Variants in GCC2 observed in about 807,000 individuals in gnomAD.
The protein encoded by GCC2 is GRIP and coiled-coil domain containing 2.
Under a neutral mutation model 210.6 loss-of-function variants are expected in GCC2, and 120 were observed. That is an observed-to-expected ratio of 0.57 (90% CI 0.49 to 0.66). The LOEUF (loss-of-function observed/expected upper bound fraction) is 0.66, where lower values mean the gene tolerates loss of function less well. GCC2 is among the 30% of genes least tolerant of loss of function. GCC2 has a pLI of 0.00. For synonymous variants in GCC2, 703 were observed against 652.7 expected (o/e 1.08, Z -1.17); for missense variants, 1,868 against 1,871.9 (o/e 1.00, Z 0.04).
At chr2:108,488,340 A>G (rs1682246385) in intron 17 of GCC2, among the ~76,000 whole-genome samples, 2 of 152,164 alleles carry the variant, frequency 1.3e-5, no homozygotes. Context: ...GCAACCTCTA[A>G]AATTAGATGT....
intron 5 of GCC2, 119 bp from the exon 6 acceptor site, chr2:108,469,532 A>G (rs2104445960): frequency 3.0e-6 from 2 of 666,268 alleles, no homozygotes; most frequent in South Asian, 4.3e-5. Flanking sequence ...TGTTTCTCCA[A>G]ATACATTTCT....
At chr2:108,500,639 A>G (rs1682874365) in intron 22 of GCC2, among the ~76,000 whole-genome samples, 1 of 152,260 alleles carries the variant, frequency 6.6e-6, no homozygotes, top group Non-Finnish European at 1.5e-5. Context: ...TAGTTAACTG[A>G]ATTCAAGCTG....
Position 108,482,316 on chromosome 2 carries a change from TCTC to T in GCC2, c.3213_3215del (p.Leu1072del). ...AAACAATAAATTCTGATAATGAAGATCTCCTGGCTCGTATTGAGACATTACAGT... is the reference window on the plus strand; with the variant it reads ...AAACAATAAATTCTGATAATGAAGATCTGGCTCGTATTGAGACATTACAGT... On this transcript the variant is annotated inframe_deletion, in exon 11 of 23. Coordinates refer to ENST00000309863, the MANE Select transcript of GCC2 (RefSeq NM_181453.4). 1 of 1,584,178 alleles carries T rather than the reference TCTC, an allele frequency of 6.3e-7. No homozygotes were observed. The highest frequency in any genetic ancestry group is 1.2e-5 in the South Asian group (1 of 86,530).
Position 108,458,325 on chromosome 2 carries a change from G to T in GCC2, c.216+5859G>T, listed in dbSNP as rs891032043. On this transcript the variant is annotated intron_variant, in intron 4 of 22. Transcript: ENST00000309863. Reference sequence around the variant, plus strand: ...GTTAGATTTGGTTTGCCAGTATTTTGCTGAGGATTTTTGCATTGGTGTTCA... The same window carrying T: ...GTTAGATTTGGTTTGCCAGTATTTTTCTGAGGATTTTTGCATTGGTGTTCA... 3.4e-5 allele frequency among the ~76,000 whole-genome samples: 5 copies of T among 148,550 alleles called. No homozygotes were observed. The South Asian group carries it at 1.1e-3, about 31-fold the overall frequency.
At chr2:108,454,376 G>A (rs759670323) in intron 4 of GCC2, among the ~76,000 whole-genome samples, 23 of 152,190 alleles carry the variant, frequency 1.5e-4, no homozygotes, top group Admixed American at 1.3e-4. Context: ...GTTATTACAA[G>A]GGGTCTTTAA....
rs528995077 is a variant in GCC2 at position 108,468,921 on chromosome 2, C to T, written c.217-59C>T. 47 of 1,033,536 alleles carry T rather than the reference C, an allele frequency of 4.5e-5. No homozygotes were observed. In the African/African-American group the frequency reaches 6.2e-4, roughly 14 times the overall value. 64.0% of individuals were successfully genotyped at this position (1,033,536 alleles called of 1,614,324 possible). On this transcript the variant is annotated intron_variant, in intron 4 of 22. Transcript: ENST00000309863. ...TTTTGAAAAGGTCAGGAGATAATTA[C>T]GCATGTGGTCAATCCACCATTTTTT...
chr2:108,476,054 CT>C (rs56236751), intron 9 of GCC2, among the ~76,000 whole-genome samples: 26,809 of 95,742 alleles, frequency 0.28, 6,616 homozygotes, highest in East Asian at 0.78. Flanking sequence ...TAGTGGCTTG[CT>C]TTTTTTTTTT....
chr2:108,486,612 A>T lies in GCC2; in HGVS notation c.3894A>T (p.Arg1298Ser). ...HQRTLSAYQQRVTALQEECRA... is the reference protein window; with the variant it reads ...HQRTLSAYQQSVTALQEECRA... Reference sequence around the variant, plus strand: ...GTACGCTAAGTGCATACCAGCAGAGAGTGACAGCACTACAGGAAGAGTGCC... The same window carrying T: ...GTACGCTAAGTGCATACCAGCAGAGTGTGACAGCACTACAGGAAGAGTGCC... Residue 1298 changes from arginine to serine, a missense_variant, in exon 16 of 23, where the codon AGA (arginine) becomes AGT (serine). This residue lies in a region of GCC2 where 1,847 missense variants were observed against 1,765.2 expected (regional missense o/e 1.05). Transcript: ENST00000309863. 4 of 1,614,028 alleles carry T rather than the reference A, an allele frequency of 2.5e-6. No individual in the cohort carries two copies. The highest frequency in any genetic ancestry group is 3.4e-6 in the Non-Finnish European group (4 of 1,179,914).
intron 11 of GCC2, 43 bp downstream of exon 11, chr2:108,482,494 A>C: frequency 1.1e-6 from 1 of 917,668 alleles, no homozygotes; most frequent in Non-Finnish European, 1.7e-6. Flanking sequence ...TATATGATGC[A>C]TTTACCAAAA....
intron 21 of GCC2, 57 bp downstream of exon 21, chr2:108,497,166 C>T: frequency 6.2e-7 from 1 of 1,610,588 alleles, no homozygotes. Context: ...TCTTGACCCT[C>T]CATACACATG....
In GCC2 at chr2:108,502,395, A is replaced by G. The variant is rs12618349; in HGVS notation, c.4984+2641A>G. 0.068 allele frequency among the ~76,000 whole-genome samples: 10,427 copies of G among 152,236 alleles called. 2,697 individuals carry two copies. The East Asian group carries it at 0.85, about 12-fold the overall frequency. ...AAAAGAGACTAACCTAAGGGATACC[A>G]AGAACAGATATTTTTAAAGAATTTC... is the stretch of plus-strand genomic sequence containing the variant. On this transcript the variant is annotated intron_variant, in intron 22 of 22. Transcript: ENST00000309863.
At chr2:108,477,244 T>C (rs1019231332) in intron 9 of GCC2, among the ~76,000 whole-genome samples, 25 of 152,222 alleles carry the variant, frequency 1.6e-4, no homozygotes, top group African/African-American at 5.8e-4. Flanking sequence ...AGAATTCTGA[T>C]GCAAGAATGG....
chr2:108,454,743 C>G (rs1436199164), intron 4 of GCC2, among the ~76,000 whole-genome samples: 1 of 152,134 alleles, frequency 6.6e-6, no homozygotes, highest in South Asian at 2.1e-4. Context: ...ATAATACTTT[C>G]TGTTTGTAGG....
At chr2:108,498,836 G>A (rs1177741878) in intron 21 of GCC2, among the ~76,000 whole-genome samples, 1 of 151,660 alleles carries the variant, frequency 6.6e-6, no homozygotes, top group African/African-American at 2.4e-5. Context: ...GAACAGGGTA[G>A]GGGCAGGGGG....
At position 108,495,437 on chromosome 2, in the gene GCC2, T is replaced by TA. The variant is rs749732214; in HGVS notation, c.4595dup (p.Tyr1532Ter). ...DTESVSSAST[Y>*]TQSLEQLLNS... Reference sequence around the variant, plus strand: ...GGAGTCTGTGTCTTCCGCCAGCACATACACACAGTCTTTAGAGCAGCTGCT... The same window carrying TA: ...GGAGTCTGTGTCTTCCGCCAGCACATAACACACAGTCTTTAGAGCAGCTGCT... The change falls in exon 20 of 23, where the codon TAC (tyrosine) becomes TAAC (stop). Residue 1532 changes from tyrosine to a stop codon, truncating the protein, a stop_gained and frameshift_variant. Transcript: ENST00000309863. LOFTEE classifies it high-confidence loss of function. 1 of 1,594,446 alleles carries TA rather than the reference T, an allele frequency of 6.3e-7. No homozygotes were observed. The highest frequency in any genetic ancestry group is 8.5e-7 in the Non-Finnish European group (1 of 1,178,292).
intron 22 of GCC2, among the ~76,000 whole-genome samples, chr2:108,506,442 G>C (rs1047047630): frequency 6.6e-6 from 1 of 152,208 alleles, no homozygotes; most frequent in Non-Finnish European, 1.5e-5. Flanking sequence ...AAACAGGTTA[G>C]CGGTTGCCAA....
intron 22 of GCC2, among the ~76,000 whole-genome samples, chr2:108,504,474 C>G (rs1389122924): frequency 2.6e-5 from 4 of 152,146 alleles, no homozygotes; most frequent in African/African-American, 9.7e-5. Flanking sequence ...TGTTACAACT[C>G]TGCGTTATAA....
chr2:108,501,688 T>C (rs895133399), intron 22 of GCC2, among the ~76,000 whole-genome samples: 1 of 152,110 alleles, frequency 6.6e-6, no homozygotes, highest in Non-Finnish European at 1.5e-5. Flanking sequence ...AAAATTCCAA[T>C]TGCTGGTCCC....
chr2:108,469,013 GA>G lies in GCC2; in HGVS notation c.255del (p.Ala86GlnfsTer10). Reference sequence around the variant, plus strand: ...TGAACGTCTGGATGCTCTTCTTCTGGAAAAAGCAGAGACTGAGCAACAGTGT... The same window carrying G: ...TGAACGTCTGGATGCTCTTCTTCTGGAAAAGCAGAGACTGAGCAACAGTGT... Reference protein sequence around the residue: ...LTERLDALLLEKAETEQQCLS... With the variant: ...LTERLDALLLXKAETEQQCLS... On this transcript the variant is annotated frameshift_variant, in exon 5 of 23. Coordinates refer to ENST00000309863, the MANE Select transcript of GCC2 (RefSeq NM_181453.4). LOFTEE classifies it high-confidence loss of function. 6.2e-7 allele frequency: 1 copy of G among 1,612,584 alleles called. No individual in the cohort carries two copies. Among genetic ancestry groups the G allele is most frequent in the Non-Finnish European group, 8.5e-7 (1 of 1,178,908 alleles).
Sources: gnomAD v4.1 joint callset for allele counts (sites outside exome capture counted in the v4.1 genomes callset) on GRCh38, gnomAD v4.1.1 for gene constraint, gnomAD v4.1.1 regional missense constraint, MANE v1.5 for transcripts, NCBI Gene and HGNC (gene_info 2026-07-23, HGNC 2026-07-21) for gene names.